Variants in BMPER observed in about 807,000 individuals in gnomAD.
The protein encoded by BMPER is BMP-binding endothelial regulator protein.
A neutral mutation model predicts 87.3 loss-of-function variants in BMPER; 45 were observed. The observed-to-expected ratio is 0.52, with a 90% CI of 0.41 to 0.66. BMPER has a LOEUF of 0.66. BMPER is among the 30% of genes least tolerant of loss of function. BMPER has a pLI of 0.00. For synonymous variants in BMPER, 326 were observed against 316.2 expected, an observed-to-expected ratio of 1.03 and a Z score of -0.33; for missense variants, 784 against 867.5, an observed-to-expected ratio of 0.90 and a Z score of 1.21.
At chr7:33,929,182 C>T (rs1268963107) in intron 2 of BMPER, among the ~76,000 whole-genome samples, 1 of 152,102 alleles carries the variant, frequency 6.6e-6, no homozygotes, top group Non-Finnish European at 1.5e-5. Context: ...GGTAAAGACT[C>T]GTTGAGCCTA....
chr7:33,985,614 A>G (rs896852593), intron 6 of BMPER, among the ~76,000 whole-genome samples: 1 of 152,160 alleles, frequency 6.6e-6, no homozygotes, highest in Non-Finnish European at 1.5e-5. Context: ...TAATCAGTAT[A>G]TAGGTGTATA....
At chr7:34,149,747 A>T (rs1197256702) in intron 14 of BMPER, among the ~76,000 whole-genome samples, 1 of 152,120 alleles carries the variant, frequency 6.6e-6, no homozygotes, top group Non-Finnish European at 1.5e-5. Context: ...GTCTTGGGAA[A>T]ATGGGAGTTG....
intron 11 of BMPER, among the ~76,000 whole-genome samples, chr7:34,076,309 A>G (rs1399293438): frequency 6.6e-6 from 1 of 152,212 alleles, no homozygotes; most frequent in East Asian, 1.9e-4. Flanking sequence ...AAAAAACAAA[A>G]CAAAAAATAA....
At chr7:34,105,380 A>G (rs1464024967) in intron 13 of BMPER, among the ~76,000 whole-genome samples, 3 of 152,210 alleles carry the variant, frequency 2.0e-5, no homozygotes, top group Admixed American at 2.0e-4. Context: ...CTAAGAAGAC[A>G]GGTTCAATTT....
intron 3 of BMPER, among the ~76,000 whole-genome samples, chr7:33,945,673 AT>A (rs1329589408): frequency 6.6e-6 from 1 of 152,146 alleles, no homozygotes; most frequent in Non-Finnish European, 1.5e-5. Context: ...TATCTGGTTG[AT>A]TTTAAGACCT....
At chr7:33,914,959 A>G (rs559472539) in intron 2 of BMPER, among the ~76,000 whole-genome samples, 1 of 152,282 alleles carries the variant, frequency 6.6e-6, no homozygotes, top group South Asian at 2.1e-4. Context: ...ACAATGAACA[A>G]TGGTCCCTTC....
At chr7:34,024,384 A>AAATATAT (rs1562695193) in intron 6 of BMPER, among the ~76,000 whole-genome samples, 2 of 23,430 alleles carry the variant, frequency 8.5e-5, no homozygotes, top group African/African-American at 2.1e-4. Flanking sequence ...AAAAAAAAAC[A>AAATATAT]ATATATATAT....
At chr7:33,984,464 CAA>C (rs926697551) in intron 6 of BMPER, among the ~76,000 whole-genome samples, 35 of 143,840 alleles carry the variant, frequency 2.4e-4, no homozygotes, top group African/African-American at 8.7e-4. Context: ...GAGTCCGTCT[CAA>C]AAAAAAAAAG....
intron 6 of BMPER, among the ~76,000 whole-genome samples, chr7:34,006,058 G>A (rs1419392164): frequency 6.6e-6 from 1 of 151,874 alleles, no homozygotes; most frequent in East Asian, 1.9e-4. Flanking sequence ...TCCCCTGCAT[G>A]CTTGACAACT....
chr7:33,914,378 G>C (rs1166308946), intron 2 of BMPER, among the ~76,000 whole-genome samples: 3 of 152,144 alleles, frequency 2.0e-5, no homozygotes, highest in Non-Finnish European at 4.4e-5. Flanking sequence ...TGGAGCCCAC[G>C]TTTATAGCGC....
intron 6 of BMPER, among the ~76,000 whole-genome samples, chr7:33,977,770 A>G (rs546956465): frequency 8.3e-4 from 127 of 152,348 alleles, no homozygotes; most frequent in African/African-American, 2.9e-3. Context: ...ATATATAAAA[A>G]TAATAAAAAT....
intron 6 of BMPER, among the ~76,000 whole-genome samples, chr7:33,982,998 G>T (rs1470653759): frequency 6.6e-6 from 1 of 152,116 alleles, no homozygotes; most frequent in African/African-American, 2.4e-5. Flanking sequence ...TGCAGAAAAC[G>T]GTAAGGCAAG....
chr7:33,997,031 T>C (rs1031098979), intron 6 of BMPER, among the ~76,000 whole-genome samples: 3 of 152,178 alleles, frequency 2.0e-5, no homozygotes, highest in East Asian at 1.9e-4. Context: ...GCAGGTCTTA[T>C]GTTCATGCTC....
intron 6 of BMPER, among the ~76,000 whole-genome samples, chr7:34,045,731 A>C (rs575480353): frequency 1.8e-4 from 28 of 152,290 alleles, no homozygotes; most frequent in African/African-American, 6.5e-4. Flanking sequence ...CACTTCATCT[A>C]CCTGGAACCT....
At chr7:34,058,795 T>G (rs1788351897) in intron 10 of BMPER, among the ~76,000 whole-genome samples, 1 of 152,220 alleles carries the variant, frequency 6.6e-6, no homozygotes, top group South Asian at 2.1e-4. Context: ...CTTTTAAAGT[T>G]TTATACATTT....
intron 6 of BMPER, among the ~76,000 whole-genome samples, chr7:33,988,295 TCAA>T (rs1401055470): frequency 6.6e-6 from 1 of 152,182 alleles, no homozygotes; most frequent in African/African-American, 2.4e-5. Flanking sequence ...AGTGTCAAGT[TCAA>T]CAACAGGAGA....
intron 6 of BMPER, among the ~76,000 whole-genome samples, chr7:33,982,042 C>T (rs951003356): frequency 6.6e-6 from 1 of 152,146 alleles, no homozygotes; most frequent in Admixed American, 6.5e-5. Flanking sequence ...CTGAAAAATA[C>T]AGGAGACATG....
chr7:34,037,362 T>C (rs1787707309), intron 6 of BMPER, among the ~76,000 whole-genome samples: 1 of 152,182 alleles, frequency 6.6e-6, no homozygotes, highest in African/African-American at 2.4e-5. Context: ...AGGCTGGACC[T>C]GCTCACTTGT....
intron 2 of BMPER, among the ~76,000 whole-genome samples, chr7:33,927,756 G>A (rs1784394229): frequency 6.6e-6 from 1 of 152,122 alleles, no homozygotes; most frequent in African/African-American, 2.4e-5. Context: ...GGACTGGAAA[G>A]CCCCAATAAT....
Sources: gnomAD v4.1 joint callset for allele counts (sites outside exome capture counted in the v4.1 genomes callset) on GRCh38, gnomAD v4.1.1 for gene constraint, MANE v1.5 for transcripts, NCBI Gene and HGNC (gene_info 2026-07-23, HGNC 2026-07-21) for gene names.